The following SLC22A25 variants were observed in gnomAD, a reference collection of about 807,000 sequenced individuals.
The protein encoded by SLC22A25 is MGI:2442751, MGI:2385316, MGI:3042283, MGI:3645714, MGI:3605624, MGI:2442750.
In SLC22A25, 44 loss-of-function variants were observed where a neutral mutation model predicts 45.9. The observed-to-expected ratio is 0.96, with a 90% CI of 0.75 to 1.23. The LOEUF is 1.23. Ranked by LOEUF, SLC22A25 falls within the 50% of genes most tolerant of loss-of-function variation. The pLI, the probability that SLC22A25 is intolerant of heterozygous loss-of-function variation, is 0.00. For missense variants in SLC22A25, 800 were observed against 666.4 expected, an observed-to-expected ratio of 1.20 and a Z score of -2.21; for synonymous variants, 283 against 238.6, an observed-to-expected ratio of 1.19 and a Z score of -1.72.
At chr11:63,203,413 A>G (rs1374539244) in intron 7 of SLC22A25, among the ~76,000 whole-genome samples, 1 of 152,062 alleles carries the variant, frequency 6.6e-6, no homozygotes, top group Non-Finnish European at 1.5e-5. Flanking sequence ...ACCTTGAAAA[A>G]AGGATAGATG....
rs1296221664 is a variant in SLC22A25, at chr11:63,163,945, G to T, written c.1523C>A (p.Ser508Tyr). The change falls in exon 12 of 12, where the codon TCT becomes TAT. Residue 508 changes from serine (S) to tyrosine (Y), a missense_variant. Coordinates refer to ENST00000306494, the MANE Select transcript of SLC22A25 (RefSeq NM_199352.6). ...WIIYGVFAILSGLVVLLLPET... is the reference protein window; with the variant it reads ...WIIYGVFAILYGLVVLLLPET... ...AGGAAGGAGGAGGACAACAAGGCCA[G>T]AGAGGATGGCAAAGACTCCATAGAT... is the stretch of plus-strand genomic sequence containing the variant. The T allele has an allele frequency of 6.2e-7, 1 of 1,614,020 alleles. No homozygotes were observed. Among genetic ancestry groups the T allele is most frequent in the South Asian group, 1.1e-5 (1 of 91,072 alleles).
chr11:63,179,574 C>A (rs1221504146), intron 9 of SLC22A25, among the ~76,000 whole-genome samples: 1 of 152,094 alleles, frequency 6.6e-6, no homozygotes, highest in African/African-American at 2.4e-5. Context: ...TCTGCCATAC[C>A]ATGAGTCCTC....
chr11:63,165,930 A>G (rs2087663782), intron 10 of SLC22A25, 114 bp downstream of exon 10: 3 of 1,297,084 alleles, frequency 2.3e-6, no homozygotes, highest in South Asian at 1.5e-5. Flanking sequence ...CTATCAGGGA[A>G]TCCTGAGAAC....
chr11:63,228,714 C>A (rs937650530), intron 4 of SLC22A25, 150 bp from the exon 5 acceptor site: 2 of 599,798 alleles, frequency 3.3e-6, no homozygotes, highest in Admixed American at 3.2e-5. Flanking sequence ...CAGGTCTCAA[C>A]TTAAGCACAA....
Position 63,217,452 on chromosome 11 carries a change from G to C in SLC22A25, c.692C>G (p.Ala231Gly). Reference sequence around the variant, plus strand: ...ACAAAGTGTCAATGTCAATGCCATGGCACAGAATTGGTGAGTTATCCACTC... The same window carrying C: ...ACAAAGTGTCAATGTCAATGCCATGCCACAGAATTGGTGAGTTATCCACTC... ...IVEWITHQFC[A>G]MALTLTLCAA... Residue 231 changes from alanine to glycine, a missense_variant, in exon 7 of 12, where the codon GCC becomes GGC. Ala to Gly is a moderately conservative substitution (Grantham distance 60). Coordinates refer to ENST00000306494, the MANE Select transcript of SLC22A25 (RefSeq NM_199352.6). The C allele has an allele frequency of 6.2e-7, 1 of 1,614,044 alleles. No individual in the cohort carries two copies. The highest frequency in any genetic ancestry group is 1.1e-5 in the South Asian group (1 of 91,068).
intron 9 of SLC22A25, 46 bp downstream of exon 9, chr11:63,180,614 A>C (rs1240957300): frequency 7.6e-7 from 1 of 1,318,462 alleles, no homozygotes; most frequent in Non-Finnish European, 1.1e-6. Context: ...AAATGGATTT[A>C]TGTCTCCTCT....
At chr11:63,236,685 C>T (rs1209551556) in intron 3 of SLC22A25, among the ~76,000 whole-genome samples, 3 of 152,158 alleles carry the variant, frequency 2.0e-5, no homozygotes, top group African/African-American at 7.2e-5. Context: ...GTCTGGCACT[C>T]CCCAGTGAGA....
intron 4 of SLC22A25, 111 bp downstream of exon 4, chr11:63,229,140 G>C (rs989861462): frequency 8.8e-7 from 1 of 1,139,640 alleles, no homozygotes; most frequent in Non-Finnish European, 1.2e-6. Context: ...TTTCCTGAAA[G>C]AATGAAGAAT....
Position 63,162,129 on chromosome 11 carries a change from T to C in SLC22A25, c.*1695A>G, listed in dbSNP as rs1174200245. ...TGATGAGATTATTTGATTTTTCCTA[T>C]AGAGTTGTTTGAGCTCCTTATATAT... On this transcript the variant is annotated 3_prime_UTR_variant, in exon 12 of 12. Transcript: ENST00000306494. 6.6e-6 allele frequency among the ~76,000 whole-genome samples: 1 copy of C among 152,218 alleles called. No individual in the cohort carries two copies. The highest frequency in any genetic ancestry group is 1.9e-4 in the East Asian group (1 of 5,200).
intron 5 of SLC22A25, 45 bp from the exon 6 acceptor site, chr11:63,217,780 T>C: frequency 1.3e-6 from 2 of 1,554,238 alleles, no homozygotes. Context: ...ATAACAACCT[T>C]TGGGAAATGT....
intron 1 of SLC22A25, among the ~76,000 whole-genome samples, chr11:63,240,171 T>C (rs964430099): frequency 5.3e-5 from 8 of 152,070 alleles, no homozygotes; most frequent in African/African-American, 7.2e-5. Flanking sequence ...TATCTAAACA[T>C]AGAAAAGTTA....
In SLC22A25 at chr11:63,163,816, G is replaced by A. The variant is rs982611862; in HGVS notation, c.*8C>T. On this transcript the variant is annotated 3_prime_UTR_variant, in exon 12 of 12. Transcript: ENST00000306494. The stretch of plus-strand genomic sequence containing the variant: ...CCTAAATGGTGTTTTGCTTTCCTCA[G>A]CACAGACCTATAGCACAGAGCTCCT... 1.2e-6 allele frequency: 2 copies of A among 1,609,002 alleles called. No individual in the cohort carries two copies. The highest frequency in any genetic ancestry group is 8.5e-7 in the Non-Finnish European group (1 of 1,177,580).
intron 3 of SLC22A25, among the ~76,000 whole-genome samples, chr11:63,233,241 T>G (rs923076347): frequency 6.6e-6 from 1 of 152,226 alleles, no homozygotes; most frequent in Non-Finnish European, 1.5e-5. Flanking sequence ...CTGGTAGAAT[T>G]CGGCTGTGAA....
chr11:63,170,833 A>C (rs1590782231), intron 9 of SLC22A25, among the ~76,000 whole-genome samples: 1 of 147,852 alleles, frequency 6.8e-6, no homozygotes, highest in South Asian at 2.1e-4. Flanking sequence ...CATTATCCTG[A>C]TACCAAAACC....
chr11:63,166,284 A>G (rs1223301088), intron 9 of SLC22A25, 26 bp from the exon 10 acceptor site: 1 of 1,612,220 alleles, frequency 6.2e-7, no homozygotes, highest in Non-Finnish European at 8.5e-7. Flanking sequence ...AAAAAGGCAC[A>G]TATTATAATC....
At chr11:63,203,856 T>C (rs1432391503) in intron 7 of SLC22A25, among the ~76,000 whole-genome samples, 1 of 152,028 alleles carries the variant, frequency 6.6e-6, no homozygotes, top group Non-Finnish European at 1.5e-5. Flanking sequence ...CAGATAAGCA[T>C]CAGATTCAGC....
At chr11:63,181,399 C>G (rs147049731) in intron 8 of SLC22A25, among the ~76,000 whole-genome samples, 4 of 126,950 alleles carry the variant, frequency 3.2e-5, no homozygotes, top group Admixed American at 8.6e-5. Flanking sequence ...CCCCTCCCCC[C>G]ACCCCACAAC....
chr11:63,181,141 G>T (rs1268402597), intron 8 of SLC22A25, among the ~76,000 whole-genome samples: 1 of 152,092 alleles, frequency 6.6e-6, no homozygotes, highest in Non-Finnish European at 1.5e-5. Flanking sequence ...CTGGTTCTCA[G>T]CTGAACTGCC....
rs77394872 is a variant in SLC22A25, at chr11:63,163,676, A to G, written c.*148T>C. The stretch of plus-strand genomic sequence containing the variant: ...TGGGCAGAGATGGTCTGTGTGATCT[A>G]GTGAGGCTCAGGGGATGTATGAGGT... On this transcript the variant is annotated 3_prime_UTR_variant, in exon 12 of 12. Coordinates refer to ENST00000306494, the MANE Select transcript of SLC22A25 (RefSeq NM_199352.6). The G allele has an allele frequency of 1.8e-3, 2,045 of 1,164,440 alleles. 21 individuals are homozygous for G. The African/African-American group carries it at 0.027, about 15-fold the overall frequency. The allele number at this position is 1,164,440 out of a possible 1,614,324, so 72.1% of individuals were successfully genotyped here. A position where few individuals can be genotyped will look rare whatever the true frequency, so the allele number is the denominator to read the frequency against.
Sources: gnomAD v4.1 joint callset for allele counts (sites outside exome capture counted in the v4.1 genomes callset) on GRCh38, gnomAD v4.1.1 for gene constraint, MANE v1.5 for transcripts, NCBI Gene and HGNC (gene_info 2026-07-23, HGNC 2026-07-21) for gene names.